Variants in ULK1 observed in about 807,000 individuals in gnomAD.
ULK1 encodes serine/threonine-protein kinase ULK1.
A neutral mutation model predicts 117.5 loss-of-function variants in ULK1; 48 were observed. The observed-to-expected ratio is 0.41, with a 90% CI of 0.32 to 0.52. ULK1 has a LOEUF of 0.52. ULK1 is among the 20% of genes least tolerant of loss of function. The pLI, the probability that ULK1 is intolerant of heterozygous loss-of-function variation, is 0.29. For missense variants in ULK1, 1,387 were observed against 1,473.4 expected, an observed-to-expected ratio of 0.94 and a Z score of 0.96; for synonymous variants, 790 against 637.8, an observed-to-expected ratio of 1.24 and a Z score of -3.60.
In ULK1 at chr12:131,918,645, C is replaced by T. The variant is rs779611538; in HGVS notation, c.2475C>T (p.Phe825=). The T allele has an allele frequency of 1.6e-5, 26 of 1,607,726 alleles. No individual in the cohort carries two copies. The highest frequency in any genetic ancestry group is 1.3e-4 in the East Asian group (6 of 44,596). ...ITANLEGAVT[F]EAPDLPEETL... ...CGAACCTGGAGGGGGCTGTGACCTTCGAGGCCCCCGACCTCCCTGAGGAGA... is the reference window on the plus strand; with the variant it reads ...CGAACCTGGAGGGGGCTGTGACCTTTGAGGCCCCCGACCTCCCTGAGGAGA... The change falls in exon 23 of 28, where the codon TTC becomes TTT. Residue 825 remains phenylalanine, a synonymous_variant. Coordinates refer to ENST00000321867, the MANE Select transcript of ULK1 (RefSeq NM_003565.4).
intron 15 of ULK1, among the ~76,000 whole-genome samples, chr12:131,914,108 C>T (rs1231152673): frequency 1.3e-5 from 2 of 152,272 alleles, no homozygotes; most frequent in African/African-American, 2.4e-5. Flanking sequence ...GCCAGGGCCC[C>T]GGCCAGGGTG....
intron 3 of ULK1, among the ~76,000 whole-genome samples, chr12:131,896,187 A>C (rs961763608): frequency 2.6e-5 from 4 of 151,634 alleles, no homozygotes; most frequent in Non-Finnish European, 5.9e-5. Context: ...GTGTTTGTTG[A>C]CATTGCTCCT....
At chr12:131,899,552 A>T (rs1399276049) in intron 3 of ULK1, among the ~76,000 whole-genome samples, 1 of 151,618 alleles carries the variant, frequency 6.6e-6, no homozygotes, top group Admixed American at 6.6e-5. Context: ...GTGCAGTGGC[A>T]TAATCATGGC....
chr12:131,915,965 G>A lies in ULK1; in HGVS notation c.1684G>A (p.Asp562Asn). Reference protein sequence around the residue: ...CRLHSAPNLSDLHVVRPKLPK... With the variant: ...CRLHSAPNLSNLHVVRPKLPK... Reference sequence around the variant, plus strand: ...CCTGCACAGCGCCCCCAACCTGTCTGACTTGCACGTCGTCCGCCCCAAGCT... The same window carrying A: ...CCTGCACAGCGCCCCCAACCTGTCTAACTTGCACGTCGTCCGCCCCAAGCT... Residue 562 changes from aspartate to asparagine, a missense_variant, in exon 19 of 28, where the codon GAC becomes AAC. Asp to Asn is a conservative substitution (Grantham distance 23). This residue lies in a region of ULK1 where 900 missense variants were observed against 858.9 expected (regional missense o/e 1.05). Coordinates refer to ENST00000321867, the MANE Select transcript of ULK1 (RefSeq NM_003565.4). 1 of 1,612,462 alleles carries A rather than the reference G, an allele frequency of 6.2e-7. No homozygotes were observed. The highest frequency in any genetic ancestry group is 8.5e-7 in the Non-Finnish European group (1 of 1,179,834).
chr12:131,904,437 C>A (rs961145315), intron 3 of ULK1, among the ~76,000 whole-genome samples: 8 of 152,330 alleles, frequency 5.3e-5, no homozygotes, highest in Non-Finnish European at 1.2e-4. Flanking sequence ...CATGAGCCAC[C>A]GTACCCGGCC....
Position 131,922,083 on chromosome 12 carries a change from G to C in ULK1, c.*722G>C. ...TCAAGCGTTCCTCTGGGGACCGGCA[G>C]CAGAGGCACCGTGTTCTCTCAGCCC... On this transcript the variant is annotated 3_prime_UTR_variant, in exon 28 of 28. Transcript: ENST00000321867. The C allele has an allele frequency of 4.4e-6, 2 of 451,398 alleles. No individual in the cohort carries two copies. Among genetic ancestry groups the C allele is most frequent in the South Asian group, 1.6e-5 (1 of 64,324 alleles). 28.0% of individuals were successfully genotyped at this position (451,398 alleles called of 1,614,324 possible). A position where few individuals can be genotyped will look rare whatever the true frequency, so the allele number is the denominator to read the frequency against.
In ULK1 at chr12:131,917,104, CG is replaced by C. The variant is rs1217629198; in HGVS notation, c.2182+44del. On this transcript the variant is annotated intron_variant, in intron 21 of 27. Transcript: ENST00000321867. The stretch of plus-strand genomic sequence containing the variant: ...GGCTCGGAGGCTGTGGGATGGGGGT[CG>C]GAGGCTGTGGGATGGGGGTCGGAGG... The C allele has an allele frequency of 1.3e-3, 1,219 of 963,440 alleles. 38 individuals are homozygous for C. In the African/African-American group the frequency reaches 0.017, roughly 14 times the overall value. The allele number at this position is 963,440 out of a possible 1,614,324, so 59.7% of individuals were successfully genotyped here.
chr12:131,910,595 CG>C, intron 11 of ULK1, 116 bp from the exon 12 acceptor site: 1 of 1,599,418 alleles, frequency 6.3e-7, no homozygotes. Context: ...TCCTGCTGGT[CG>C]GGGTGTAGCC....
intron 18 of ULK1, 76 bp from the exon 19 acceptor site, chr12:131,915,815 G>C: frequency 1.3e-6 from 2 of 1,580,628 alleles, no homozygotes; most frequent in Non-Finnish European, 1.7e-6. Context: ...ACCCCAAGGG[G>C]CTCCGTGTGG....
chr12:131,916,947 C>T lies in ULK1; in HGVS notation c.2073-6C>T, dbSNP rs1193986256. 1 of 1,608,892 alleles carries T rather than the reference C, an allele frequency of 6.2e-7. No individual in the cohort carries two copies. Among genetic ancestry groups the T allele is most frequent in the African/African-American group, 1.3e-5 (1 of 74,716 alleles). On this transcript the variant is annotated splice_polypyrimidine_tract_variant and splice_region_variant and intron_variant, in intron 20 of 27. Coordinates refer to ENST00000321867, the MANE Select transcript of ULK1 (RefSeq NM_003565.4). ...GCACCCAGCACAGCCCTGCACACTC[C>T]CACAGGTCTTTCAGCACCAGCCGCC... is the stretch of plus-strand genomic sequence containing the variant.
intron 22 of ULK1, among the ~76,000 whole-genome samples, chr12:131,917,972 C>T (rs1295469942): frequency 6.6e-6 from 1 of 152,148 alleles, no homozygotes; most frequent in African/African-American, 2.4e-5. Context: ...ATGCTCTGGG[C>T]CTGGGGCCTG....
In ULK1 at chr12:131,894,692, C is replaced by G. The variant is rs934732245; in HGVS notation, c.-310C>G. ...GGCTCTTTTGTTTCTCCGTTGGGGC[C>G]GAGCCCGGGCCCTAGTTGGAGCCGG... On this transcript the variant is annotated 5_prime_UTR_variant, in exon 1 of 28. Transcript: ENST00000321867. The G allele has an allele frequency of 6.6e-6, 1 of 151,578 alleles. No individual in the cohort carries two copies. The allele number at this position is 151,578 out of a possible 1,614,324, so 9.4% of individuals were successfully genotyped here.
Position 131,909,252 on chromosome 12 carries a change from C to A in ULK1, c.666+15C>A. 6.4e-7 allele frequency: 1 copy of A among 1,566,672 alleles called. No homozygotes were observed. Among genetic ancestry groups the A allele is most frequent in the Non-Finnish European group, 8.6e-7 (1 of 1,156,688 alleles). On this transcript the variant is annotated intron_variant, in intron 8 of 27. Coordinates refer to ENST00000321867, the MANE Select transcript of ULK1 (RefSeq NM_003565.4). ...CGCCCTTCCAGGTAACTGGGCTTGG[C>A]CCTGCTCCCCACGCCGCACCGTCAG... is the stretch of plus-strand genomic sequence containing the variant.
Position 131,909,160 on chromosome 12 carries a change from C to T in ULK1, c.589C>T (p.His197Tyr). Residue 197 changes from histidine (H) to tyrosine (Y), a missense_variant, in exon 8 of 28, where the codon CAC becomes TAC. This residue lies in a region of ULK1 where 224 missense variants were observed against 325.2 expected (regional missense o/e 0.69). Coordinates refer to ENST00000321867, the MANE Select transcript of ULK1 (RefSeq NM_003565.4). ...YMAPEVIMSQHYDGKADLWSI... is the reference protein window; with the variant it reads ...YMAPEVIMSQYYDGKADLWSI... ...GGCCCCCGAGGTCATCATGTCCCAG[C>T]ACTACGACGGGAAGGCGGACCTGTG... The T allele has an allele frequency of 6.2e-7, 1 of 1,609,698 alleles. No individual in the cohort carries two copies. The highest frequency in any genetic ancestry group is 8.5e-7 in the Non-Finnish European group (1 of 1,178,544).
In ULK1 at chr12:131,910,083, C is replaced by G. The variant is rs571898300; in HGVS notation, c.808+82C>G. ...TGATGTGAGCAGGGCCCACCGGCTT[C>G]ACACCCAGCCCCATGTGCACACTGC... On this transcript the variant is annotated intron_variant, in intron 10 of 27. Transcript: ENST00000321867. 3.2e-6 allele frequency: 5 copies of G among 1,575,194 alleles called. No individual in the cohort carries two copies. In the Admixed American group the frequency reaches 6.8e-5, roughly 21 times the overall value.
At chr12:131,906,723 C>A in intron 3 of ULK1, 169 bp from the exon 4 acceptor site, 1 of 766,946 alleles carries the variant, frequency 1.3e-6, no homozygotes, top group South Asian at 1.6e-5. Context: ...AGAACACACC[C>A]ACCTACAAAG....
intron 27 of ULK1, 34 bp downstream of exon 27, chr12:131,921,269 C>T (rs1890138046): frequency 6.2e-7 from 1 of 1,608,126 alleles, no homozygotes; most frequent in African/African-American, 1.3e-5. Flanking sequence ...GCTGGGGACT[C>T]TGGGCGTCTC....
intron 8 of ULK1, 88 bp from the exon 9 acceptor site, chr12:131,909,687 G>A (rs1889440575): frequency 3.7e-6 from 5 of 1,364,128 alleles, no homozygotes; most frequent in South Asian, 2.9e-5. Flanking sequence ...CTGGGGCAGG[G>A]GCCGACTGGG....
intron 12 of ULK1, 34 bp downstream of exon 12, chr12:131,910,834 C>T: frequency 6.2e-7 from 1 of 1,610,838 alleles, no homozygotes; most frequent in Admixed American, 1.7e-5. Context: ...GGCAGCTTCT[C>T]CCTCCACTCA....
Sources: allele counts gnomAD v4.1 joint callset (sites outside exome capture counted in the v4.1 genomes callset), GRCh38; gene constraint gnomAD v4.1.1; regional missense constraint gnomAD v4.1.1; transcripts MANE v1.5; gene names NCBI Gene and HGNC (gene_info 2026-07-23, HGNC 2026-07-21).